The following GNG12 variants were observed in gnomAD, a reference collection of about 807,000 sequenced individuals.
GNG12 encodes the protein G protein subunit gamma 12.
For synonymous variants in GNG12, 28 were observed against 29.7 expected (o/e 0.94, Z 0.19); for missense variants, 69 against 83.8 (o/e 0.82, Z 0.69).
intron 2 of GNG12, among the ~76,000 whole-genome samples, chr1:67,740,695 A>G (rs1463312829): frequency 6.6e-6 from 1 of 152,250 alleles, no homozygotes; most frequent in African/African-American, 2.4e-5. Context: ...GGTGGTGATT[A>G]GATCATGAGG....
chr1:67,766,710 C>T (rs1646642603), intron 2 of GNG12, among the ~76,000 whole-genome samples: 1 of 152,116 alleles, frequency 6.6e-6, no homozygotes, highest in South Asian at 2.1e-4. Context: ...GTAGGGCCTC[C>T]CTCTGAGAAA....
rs368134588 is a variant in GNG12, at chr1:67,736,710, G to A, written c.-26-28998C>T. Among the ~76,000 whole-genome samples, 24 of 152,216 alleles carry A rather than the reference G, an allele frequency of 1.6e-4. No individual in the cohort carries two copies. The East Asian group carries it at 1.7e-3, about 11-fold the overall frequency. Reference sequence around the variant, plus strand: ...GACAGACAGTTCCTTGGTAAGAACCGTCTGGATCCAGGAACCTCAGCAGAT... The same window carrying A: ...GACAGACAGTTCCTTGGTAAGAACCATCTGGATCCAGGAACCTCAGCAGAT... On this transcript the variant is annotated intron_variant, in intron 2 of 3. Transcript: ENST00000370982.
chr1:67,786,213 TGTA>T (rs940150654), intron 1 of GNG12, among the ~76,000 whole-genome samples: 5 of 152,230 alleles, frequency 3.3e-5, no homozygotes, highest in African/African-American at 1.2e-4. Flanking sequence ...TTTTATTCCA[TGTA>T]TATACCAATA....
At chr1:67,769,893 C>T (rs1646663411) in intron 2 of GNG12, among the ~76,000 whole-genome samples, 1 of 152,146 alleles carries the variant, frequency 6.6e-6, no homozygotes, top group African/African-American at 2.4e-5. Flanking sequence ...TCACAGGAAG[C>T]TAGGTTTGGC....
chr1:67,756,834 G>T (rs1334769204), intron 2 of GNG12, among the ~76,000 whole-genome samples: 1 of 152,118 alleles, frequency 6.6e-6, no homozygotes, highest in Non-Finnish European at 1.5e-5. Context: ...GGTCTGCCCG[G>T]GTCATCTGCA....
At chr1:67,728,641 G>T (rs2100696590) in intron 2 of GNG12, among the ~76,000 whole-genome samples, 1 of 152,286 alleles carries the variant, frequency 6.6e-6, no homozygotes, top group East Asian at 1.9e-4. Flanking sequence ...CACGGGGAAG[G>T]GAGACGGGTC....
intron 2 of GNG12, among the ~76,000 whole-genome samples, chr1:67,730,536 A>G (rs879375623): frequency 1.3e-5 from 2 of 152,076 alleles, no homozygotes; most frequent in African/African-American, 4.8e-5. Flanking sequence ...CCCGCCAAAA[A>G]AAGGAGTACA....
intron 2 of GNG12, among the ~76,000 whole-genome samples, chr1:67,754,376 C>T (rs754516711): frequency 2.0e-5 from 3 of 152,168 alleles, no homozygotes; most frequent in African/African-American, 4.8e-5. Context: ...AGGCAGCTGC[C>T]GAAGCCAGAC....
chr1:67,754,483 T>C (rs747718510), intron 2 of GNG12, among the ~76,000 whole-genome samples: 3 of 152,124 alleles, frequency 2.0e-5, no homozygotes, highest in Non-Finnish European at 4.4e-5. Flanking sequence ...CAAATTAGTA[T>C]ATTTTTACCC....
intron 1 of GNG12, among the ~76,000 whole-genome samples, chr1:67,805,433 G>A (rs1459101928): frequency 6.6e-6 from 1 of 152,120 alleles, no homozygotes; most frequent in Non-Finnish European, 1.5e-5. Flanking sequence ...GGGCTTTAAT[G>A]GAAAAAGTAG....
intron 2 of GNG12, among the ~76,000 whole-genome samples, chr1:67,709,942 A>T (rs1289261203): frequency 1.3e-4 from 3 of 22,482 alleles, no homozygotes; most frequent in East Asian, 1.5e-3. Context: ...ATAGTTATAT[A>T]TATATAGTTA....
chr1:67,737,362 C>CAAA (rs1160954570), intron 2 of GNG12, among the ~76,000 whole-genome samples: 1 of 152,144 alleles, frequency 6.6e-6, no homozygotes, highest in East Asian at 1.9e-4. Flanking sequence ...GATTTCTGTT[C>CAAA]TAAGGCAATA....
At chr1:67,747,929 T>A (rs74872269) in intron 2 of GNG12, among the ~76,000 whole-genome samples, 1,871 of 152,334 alleles carry the variant, frequency 0.012, 32 homozygotes, top group African/African-American at 0.043. Flanking sequence ...AAGGCAGAGC[T>A]ATTGTGGGAC....
chr1:67,790,211 C>T (rs935314921), intron 1 of GNG12, among the ~76,000 whole-genome samples: 3 of 152,212 alleles, frequency 2.0e-5, no homozygotes, highest in Non-Finnish European at 4.4e-5. Context: ...CTACCACCTG[C>T]TTCCTGGGTA....
intron 1 of GNG12, among the ~76,000 whole-genome samples, chr1:67,810,218 C>G (rs1446491050): frequency 6.6e-6 from 1 of 152,134 alleles, no homozygotes; most frequent in Non-Finnish European, 1.5e-5. Flanking sequence ...ACTATGGAGA[C>G]AGTGAAAATA....
At chr1:67,827,126 T>C (rs1368780889) in intron 1 of GNG12, among the ~76,000 whole-genome samples, 6 of 152,242 alleles carry the variant, frequency 3.9e-5, no homozygotes, top group Admixed American at 3.3e-4. Flanking sequence ...CCAGTGAGCA[T>C]GTGTGATCAC....
intron 2 of GNG12, among the ~76,000 whole-genome samples, chr1:67,754,388 C>T (rs1646556072): frequency 6.6e-6 from 1 of 152,202 alleles, no homozygotes; most frequent in Non-Finnish European, 1.5e-5. Context: ...AAGCCAGACA[C>T]CCCAGAGTCG....
chr1:67,789,605 G>A (rs1277051986), intron 1 of GNG12, among the ~76,000 whole-genome samples: 1 of 152,078 alleles, frequency 6.6e-6, no homozygotes, highest in African/African-American at 2.4e-5. Context: ...TCTTTTTGCC[G>A]ACACCTTTGC....
At chr1:67,809,738 C>T (rs1036317438) in intron 1 of GNG12, among the ~76,000 whole-genome samples, 7 of 152,056 alleles carry the variant, frequency 4.6e-5, no homozygotes, top group Admixed American at 4.6e-4. Flanking sequence ...CCACCACACA[C>T]CTACCAGAAT....
Sources: gnomAD v4.1 joint callset for allele counts (sites outside exome capture counted in the v4.1 genomes callset) on GRCh38, gnomAD v4.1.1 for gene constraint, MANE v1.5 for transcripts, NCBI Gene and HGNC (gene_info 2026-07-23, HGNC 2026-07-21) for gene names.